Variants in SFT2D1 observed in about 807,000 individuals in gnomAD.
The protein encoded by SFT2D1 is vesicle transport protein SFT2A.
A neutral mutation model predicts 28.1 loss-of-function variants in SFT2D1; 24 were observed. The ratio of observed to expected loss-of-function variants is 0.85; its 90% CI spans 0.62 to 1.20. The LOEUF (loss-of-function observed/expected upper bound fraction) is 1.20. Ranked by LOEUF, SFT2D1 falls within the 50% of genes most tolerant of loss-of-function variation. The pLI is 0.00. For missense variants in SFT2D1, 181 were observed against 190.9 expected, an observed-to-expected ratio of 0.95 and a Z score of 0.31; for synonymous variants, 82 against 73.7, an observed-to-expected ratio of 1.11 and a Z score of -0.58.
intron 5 of SFT2D1, chr6:166,324,837 T>C: frequency 2.0e-6 from 1 of 495,244 alleles, no homozygotes; most frequent in Non-Finnish European, 3.6e-6. Context: ...TAAATAAACG[T>C]TACTGAAACA....
chr6:166,335,970 TTC>T (rs1363476976), intron 1 of SFT2D1, among the ~76,000 whole-genome samples: 3 of 152,266 alleles, frequency 2.0e-5, no homozygotes, highest in African/African-American at 7.2e-5. Flanking sequence ...TTATTTTCGT[TTC>T]TGTTCTGTGG....
intron 1 of SFT2D1, among the ~76,000 whole-genome samples, chr6:166,331,828 G>A (rs538802548): frequency 2.6e-5 from 4 of 152,306 alleles, no homozygotes; most frequent in Admixed American, 6.5e-5. Flanking sequence ...AAAGAATAAT[G>A]ATTTCTAAAG....
chr6:166,329,342 C>T (rs140534450), intron 3 of SFT2D1, among the ~76,000 whole-genome samples, 165 bp downstream of exon 3: 203 of 152,288 alleles, frequency 1.3e-3, no homozygotes, highest in Non-Finnish European at 2.1e-3. Context: ...TTATGGGAGA[C>T]GGCATACAGC....
chr6:166,322,559 A>G (rs1166117053), intron 7 of SFT2D1, among the ~76,000 whole-genome samples: 1 of 151,786 alleles, frequency 6.6e-6, no homozygotes, highest in Non-Finnish European at 1.5e-5. Flanking sequence ...CGGGCATGGC[A>G]GTACGCGCCT....
At chr6:166,333,498 C>A (rs1173889305) in intron 1 of SFT2D1, among the ~76,000 whole-genome samples, 2 of 152,254 alleles carry the variant, frequency 1.3e-5, no homozygotes, top group Non-Finnish European at 2.9e-5. Context: ...CCCCACCGTG[C>A]TGACTCCTTG....
intron 7 of SFT2D1, among the ~76,000 whole-genome samples, chr6:166,321,533 T>A (rs1175619179): frequency 2.0e-5 from 3 of 152,244 alleles, no homozygotes; most frequent in Admixed American, 6.5e-5. Flanking sequence ...TGTAGCTAAC[T>A]TTGTTTTGCT....
At chr6:166,338,828 CCTT>C (rs951947713) in intron 1 of SFT2D1, among the ~76,000 whole-genome samples, 3 of 152,146 alleles carry the variant, frequency 2.0e-5, no homozygotes, top group Admixed American at 6.5e-5. Context: ...ATCTCTCCCT[CCTT>C]GACTTCTTCC....
At position 166,342,474 on chromosome 6, in the gene SFT2D1, T is replaced by C. The variant is rs1482495960; in HGVS notation, c.8A>G (p.Lys3Arg). Residue 3 changes from lysine to arginine, a missense_variant, in exon 1 of 8, where the codon AAG becomes AGG. Physicochemically the swap from Lys to Arg is conservative, Grantham distance 26. Coordinates refer to ENST00000361731, the MANE Select transcript of SFT2D1 (RefSeq NM_145169.3). ...CTGGCCGCTCAGGACTCGCCGCAGC[T>C]TCTCCATGGCCCTGTTACAGGGCCG... ME[K>R]LRRVLSGQDD... The C allele has an allele frequency of 1.9e-6, 3 of 1,554,270 alleles. 1 individual carries two copies. The highest frequency in any genetic ancestry group is 1.2e-5 in the South Asian group (1 of 84,328).
chr6:166,332,071 T>C (rs934435597), intron 1 of SFT2D1, among the ~76,000 whole-genome samples: 2 of 152,234 alleles, frequency 1.3e-5, no homozygotes, highest in African/African-American at 4.8e-5. Flanking sequence ...GCAGGACAAA[T>C]TATTTCCACT....
At chr6:166,320,696 T>A (rs1583031964) in intron 7 of SFT2D1, among the ~76,000 whole-genome samples, 1 of 117,122 alleles carries the variant, frequency 8.5e-6, no homozygotes, top group Admixed American at 8.9e-5. Context: ...TTTTTTTTTT[T>A]AATAGAGATA....
intron 1 of SFT2D1, among the ~76,000 whole-genome samples, chr6:166,341,010 T>G (rs142019508): frequency 3.3e-5 from 5 of 152,346 alleles, no homozygotes; most frequent in Non-Finnish European, 5.9e-5. Flanking sequence ...CACTGTCCAA[T>G]AGAACTTTCT....
At position 166,320,669 on chromosome 6, in the gene SFT2D1, C is replaced by T. The variant is rs1003508676; in HGVS notation, c.441-413G>A. ...GGAGCTGGGACTATAGGGCACACCACTACACTAATTTTTTTTTTTTTTTTT... is the reference window on the plus strand; with the variant it reads ...GGAGCTGGGACTATAGGGCACACCATTACACTAATTTTTTTTTTTTTTTTT... On this transcript the variant is annotated intron_variant, in intron 7 of 7. Coordinates refer to ENST00000361731, the MANE Select transcript of SFT2D1 (RefSeq NM_145169.3). Among the ~76,000 whole-genome samples the T allele has an allele frequency of 3.5e-5, 5 of 141,060 alleles. No homozygotes were observed. The South Asian group carries it at 1.2e-3, about 35-fold the overall frequency. 92.5% of individuals were successfully genotyped at this position (141,060 alleles called of 152,430 possible). A position where few individuals can be genotyped will look rare whatever the true frequency, so the allele number is the denominator to read the frequency against.
chr6:166,326,267 T>C (rs1778443118), intron 4 of SFT2D1, 100 bp from the exon 5 acceptor site: 1 of 954,094 alleles, frequency 1.0e-6, no homozygotes, highest in East Asian at 2.6e-5. Context: ...GGGAATATAC[T>C]ATAGAACAAA....
chr6:166,341,417 C>T (rs369579834), intron 1 of SFT2D1, among the ~76,000 whole-genome samples: 21 of 149,698 alleles, frequency 1.4e-4, no homozygotes, highest in African/African-American at 5.2e-4. Flanking sequence ...CCACTGCACT[C>T]CAGGCCTGAG....
At chr6:166,322,036 C>G (rs1411400385) in intron 7 of SFT2D1, among the ~76,000 whole-genome samples, 6 of 152,140 alleles carry the variant, frequency 3.9e-5, no homozygotes, top group Admixed American at 3.9e-4. Context: ...GGCGCCCACA[C>G]CACACCCAGC....
At chr6:166,338,202 T>A (rs4709111) in intron 1 of SFT2D1, among the ~76,000 whole-genome samples, 7 of 152,034 alleles carry the variant, frequency 4.6e-5, no homozygotes, top group Non-Finnish European at 7.4e-5. Context: ...ACAAGAGAAC[T>A]CTGTAGAATG....
chr6:166,341,831 A>AG (rs1778787816), intron 1 of SFT2D1, among the ~76,000 whole-genome samples: 2 of 11,468 alleles, frequency 1.7e-4, no homozygotes, highest in East Asian at 0.026. Flanking sequence ...TTTTATTAAG[A>AG]AAAAAAAAAA....
chr6:166,328,240 T>G (rs1778487235), intron 4 of SFT2D1, 36 bp downstream of exon 4: 2 of 1,364,516 alleles, frequency 1.5e-6, no homozygotes, highest in Non-Finnish European at 2.0e-6. Context: ...CAAAGAATAC[T>G]TCAATAAAAG....
intron 5 of SFT2D1, chr6:166,325,820 T>G (rs1231128520): frequency 2.6e-6 from 1 of 387,978 alleles, no homozygotes; most frequent in Non-Finnish European, 4.7e-6. Context: ...GGTGAGCATG[T>G]GTGCACATGT....
Sources: allele counts gnomAD v4.1 joint callset (sites outside exome capture counted in the v4.1 genomes callset), GRCh38; gene constraint gnomAD v4.1.1; transcripts MANE v1.5; gene names NCBI Gene and HGNC (gene_info 2026-07-23, HGNC 2026-07-21).